Variants in PAPOLG observed in about 807,000 individuals in gnomAD.
PAPOLG encodes the protein PAP-gamma.
Under a neutral mutation model 99.0 loss-of-function variants are expected in PAPOLG, and 40 were observed. The observed-to-expected ratio is 0.40, with a 90% confidence interval of 0.31 to 0.53. The LOEUF (loss-of-function observed/expected upper bound fraction) is 0.53, where lower values mean the gene tolerates loss of function less well. Ranked by LOEUF, PAPOLG falls within the 20% of genes least tolerant of loss-of-function variation. PAPOLG has a pLI of 0.41. For missense variants in PAPOLG, 675 were observed against 884.1 expected (o/e 0.76, Z 3.00); for synonymous variants, 310 against 299.3 (o/e 1.04, Z -0.37).
In PAPOLG at chr2:60,798,328, T is replaced by G. The variant is rs1430787228; in HGVS notation, c.*1168T>G. The G allele has an allele frequency of 1.3e-5, 2 of 152,792 alleles. No homozygotes were observed. The highest frequency in any genetic ancestry group is 2.9e-5 in the Non-Finnish European group (2 of 68,046). 9.5% of individuals were successfully genotyped at this position (152,792 alleles called of 1,614,324 possible). A position where few individuals can be genotyped will look rare whatever the true frequency, so the allele number is the denominator to read the frequency against. ...TTTTTTAAGTTTCATGAATGCATGC[T>G]CAGTTTATTAAAATCCATAACCATG... On this transcript the variant is annotated 3_prime_UTR_variant, in exon 22 of 22. Coordinates refer to ENST00000238714, the MANE Select transcript of PAPOLG (RefSeq NM_022894.4).
rs539824919 is a variant in PAPOLG at position 60,785,732 on chromosome 2, A to G, written c.1167-1215A>G. ...TATCTTATAGGGATGGAATCTCACT[A>G]TGTTGCCCCAGGTGATCTCGAACTC... is the stretch of plus-strand genomic sequence containing the variant. On this transcript the variant is annotated intron_variant, in intron 13 of 21. Coordinates refer to ENST00000238714, the MANE Select transcript of PAPOLG (RefSeq NM_022894.4). Among the ~76,000 whole-genome samples the G allele has an allele frequency of 4.4e-4, 63 of 144,246 alleles. 5 individuals carry two copies. The highest frequency in any genetic ancestry group is 2.0e-4 in the East Asian group (1 of 4,966). The allele number at this position is 144,246 out of a possible 152,430, so 94.6% of individuals were successfully genotyped here. A position where few individuals can be genotyped will look rare whatever the true frequency, so the allele number is the denominator to read the frequency against.
At chr2:60,781,093 C>T (rs553256986) in intron 10 of PAPOLG, among the ~76,000 whole-genome samples, 4 of 152,312 alleles carry the variant, frequency 2.6e-5, no homozygotes, top group East Asian at 3.9e-4. Flanking sequence ...TGATGGTTCA[C>T]GCCTGTAATC....
Position 60,756,504 on chromosome 2 carries a change from T to TG in PAPOLG, c.17+15dup, listed in dbSNP as rs1236323224. 3 of 1,310,116 alleles carry TG rather than the reference T, an allele frequency of 2.3e-6. No homozygotes were observed. The highest frequency in any genetic ancestry group is 3.1e-6 in the Non-Finnish European group (3 of 979,010). The allele number at this position is 1,310,116 out of a possible 1,614,324, so 81.2% of individuals were successfully genotyped here. On this transcript the variant is annotated intron_variant, in intron 1 of 21. Transcript: ENST00000238714. ...ATGAAAGAGATGTCTGCGTAAGTGGTGGGGGGCGGCGGTTGGGGTGAGGCG... is the reference window on the plus strand; with the variant it reads ...ATGAAAGAGATGTCTGCGTAAGTGGTGGGGGGGCGGCGGTTGGGGTGAGGCG...
intron 15 of PAPOLG, among the ~76,000 whole-genome samples, chr2:60,788,482 T>TC (rs1306260938): frequency 2.0e-5 from 3 of 152,068 alleles, no homozygotes; most frequent in Admixed American, 6.6e-5. Flanking sequence ...CCACCAGTCC[T>TC]GGCTAATTTT....
intron 21 of PAPOLG, among the ~76,000 whole-genome samples, chr2:60,796,208 CT>C (rs66526788): frequency 1.1e-3 from 117 of 110,334 alleles, no homozygotes; most frequent in South Asian, 5.0e-3. Flanking sequence ...TTTTGCCTTC[CT>C]TTTTTTTTTT....
chr2:60,775,137 G>A lies in PAPOLG; in HGVS notation c.694+14G>A. The stretch of plus-strand genomic sequence containing the variant: ...TATGGGCAAAACGTAAGTATCCCTA[G>A]TCTTTTATGTTTGCATTATAAAATT... On this transcript the variant is annotated intron_variant, in intron 8 of 21. Transcript: ENST00000238714. 6.3e-7 allele frequency: 1 copy of A among 1,594,180 alleles called. No individual in the cohort carries two copies. Among genetic ancestry groups the A allele is most frequent in the Non-Finnish European group, 8.5e-7 (1 of 1,174,774 alleles).
chr2:60,761,028 A>T (rs558859215), intron 2 of PAPOLG, among the ~76,000 whole-genome samples: 36 of 152,238 alleles, frequency 2.4e-4, no homozygotes, highest in African/African-American at 8.2e-4. Flanking sequence ...AAAAAGTAGA[A>T]ATCTGGATAT....
At position 60,780,731 on chromosome 2, in the gene PAPOLG, G is replaced by T; in HGVS notation, c.858G>T (p.Leu286=). The T allele has an allele frequency of 1.2e-6, 2 of 1,614,124 alleles. No individual in the cohort carries two copies. The highest frequency in any genetic ancestry group is 8.5e-7 in the Non-Finnish European group (1 of 1,179,972). ...SKWEWPNPVL[L]KQPEESNLNL... is the part of the protein sequence containing the mutation. ...GGGAATGGCCAAATCCTGTGCTGCT[G>T]AAGCAACCAGAAGAAAGCAATTTGA... Residue 286 remains leucine (L), a synonymous_variant, in exon 10 of 22, where the codon CTG becomes CTT. Coordinates refer to ENST00000238714, the MANE Select transcript of PAPOLG (RefSeq NM_022894.4).
chr2:60,786,063 T>G (rs1336332511), intron 13 of PAPOLG, among the ~76,000 whole-genome samples: 2 of 152,186 alleles, frequency 1.3e-5, no homozygotes, highest in Non-Finnish European at 2.9e-5. Flanking sequence ...ATGGGGTTCC[T>G]AATATATTGG....
intron 21 of PAPOLG, among the ~76,000 whole-genome samples, chr2:60,796,780 G>A (rs998828491): frequency 1.5e-4 from 23 of 151,630 alleles, no homozygotes; most frequent in South Asian, 2.1e-4. Flanking sequence ...CTTGATCCAG[G>A]CATGGCAGTT....
At chr2:60,796,208 CTTTTTTTTTTTT>C (rs66526788) in intron 21 of PAPOLG, among the ~76,000 whole-genome samples, 3 of 110,316 alleles carry the variant, frequency 2.7e-5, no homozygotes, top group Non-Finnish European at 3.8e-5. Context: ...TTTTGCCTTC[CTTTTTTTTTTTT>C]TTTTTTTTTT....
intron 13 of PAPOLG, among the ~76,000 whole-genome samples, chr2:60,785,517 T>C (rs927370199): frequency 6.6e-6 from 1 of 152,088 alleles, no homozygotes; most frequent in Admixed American, 6.6e-5. Context: ...TTTAAACTTA[T>C]CTTAGCCTTA....
At chr2:60,766,155 G>T (rs1318654650) in intron 3 of PAPOLG, among the ~76,000 whole-genome samples, 1 of 152,182 alleles carries the variant, frequency 6.6e-6, no homozygotes, top group Non-Finnish European at 1.5e-5. Flanking sequence ...AGTAGACACA[G>T]TTCTTAACTC....
intron 3 of PAPOLG, among the ~76,000 whole-genome samples, chr2:60,767,252 A>T (rs1670707061): frequency 6.6e-6 from 1 of 151,858 alleles, no homozygotes; most frequent in African/African-American, 2.4e-5. Context: ...GAGGCTGGAT[A>T]TTGAAGTGGA....
At chr2:60,794,231 T>A (rs753195965) in intron 19 of PAPOLG, 40 bp downstream of exon 19, 59 of 1,561,982 alleles carry the variant, frequency 3.8e-5, no homozygotes, top group Non-Finnish European at 5.1e-5. Context: ...TAGTTGATAT[T>A]TTTTATAGTT....
chr2:60,764,017 G>A (rs2103762924), intron 3 of PAPOLG, among the ~76,000 whole-genome samples: 1 of 152,162 alleles, frequency 6.6e-6, no homozygotes, highest in South Asian at 2.1e-4. Context: ...TGGCCAGGCT[G>A]GTCTCGAACT....
intron 21 of PAPOLG, 99 bp downstream of exon 21, chr2:60,795,119 A>C (rs1240228180): frequency 9.3e-7 from 1 of 1,076,280 alleles, no homozygotes; most frequent in Non-Finnish European, 1.4e-6. Flanking sequence ...CACTGGGAAA[A>C]AGTAAGATTT....
intron 1 of PAPOLG, among the ~76,000 whole-genome samples, chr2:60,759,237 A>C (rs1403501333): frequency 2.0e-5 from 3 of 152,090 alleles, no homozygotes; most frequent in Non-Finnish European, 2.9e-5. Flanking sequence ...GTGTGGTGGC[A>C]CATGCCTGTA....
rs112775125 is a variant in PAPOLG, at chr2:60,775,298, A to C, written c.694+175A>C. On this transcript the variant is annotated intron_variant, in intron 8 of 21. Coordinates refer to ENST00000238714, the MANE Select transcript of PAPOLG (RefSeq NM_022894.4). ...CAGTGGTTATGGTGTTTTGATAAGT[A>C]GTATACCTCTTCCTCCCTTGGGTAA... Among the ~76,000 whole-genome samples, 1,494 of 152,340 alleles carry C rather than the reference A, an allele frequency of 9.8e-3. 41 individuals carry two copies. The highest frequency in any genetic ancestry group is 0.034 in the African/African-American group (1,414 of 41,566).
Sources: allele counts gnomAD v4.1 joint callset (sites outside exome capture counted in the v4.1 genomes callset), GRCh38; gene constraint gnomAD v4.1.1; transcripts MANE v1.5; gene names NCBI Gene and HGNC (gene_info 2026-07-23, HGNC 2026-07-21).